The following ADAMTS17 variants were observed in gnomAD, a reference collection of about 807,000 sequenced individuals.
The protein encoded by ADAMTS17 is A disintegrin and metalloproteinase with thrombospondin motifs 17.
Under a neutral mutation model 141.5 loss-of-function variants are expected in ADAMTS17, and 113 were observed. The observed-to-expected ratio is 0.80, with a 90% CI of 0.69 to 0.93. The LOEUF is 0.93. Among genes scored for constraint, ADAMTS17 ranks in the 40% least tolerant of loss-of-function variants. The pLI is 0.00. For missense variants in ADAMTS17, 1,659 were observed against 1,517.9 expected (o/e 1.09, Z -1.54); for synonymous variants, 768 against 630.6 (o/e 1.22, Z -3.27).
intron 9 of ADAMTS17, 57 bp from the exon 10 acceptor site, chr15:100,152,819 TTC>T: frequency 6.5e-7 from 1 of 1,534,546 alleles, no homozygotes; most frequent in Non-Finnish European, 8.8e-7. Flanking sequence ...TTTTTTTGTT[TTC>T]TTTTTCTTTT....
chr15:100,133,096 C>T (rs548490553), intron 11 of ADAMTS17, 118 bp downstream of exon 11: 25 of 989,396 alleles, frequency 2.5e-5, no homozygotes, highest in East Asian at 7.9e-5. Flanking sequence ...ATTTCTGTGC[C>T]GCCTGGGGGA....
At chr15:100,208,620 C>A (rs1291727403) in intron 7 of ADAMTS17, among the ~76,000 whole-genome samples, 1 of 152,194 alleles carries the variant, frequency 6.6e-6, no homozygotes, top group East Asian at 1.9e-4. Flanking sequence ...TCCAGGTCAT[C>A]ATTCATCATT....
chr15:100,113,676 T>G (rs35956028), intron 13 of ADAMTS17, among the ~76,000 whole-genome samples: 46,879 of 152,118 alleles, frequency 0.31, 7,233 homozygotes, highest in East Asian at 0.39. Context: ...AATGCAAGCT[T>G]CGGAGACCAC....
At chr15:100,040,299 C>T (rs1303411229) in intron 18 of ADAMTS17, among the ~76,000 whole-genome samples, 2 of 152,246 alleles carry the variant, frequency 1.3e-5, no homozygotes, top group Admixed American at 6.5e-5. Context: ...ACAGCCATTT[C>T]TTCTGTGGGC....
chr15:100,159,720 T>C (rs1341234348), intron 8 of ADAMTS17, among the ~76,000 whole-genome samples: 1 of 152,224 alleles, frequency 6.6e-6, no homozygotes, highest in Admixed American at 6.5e-5. Flanking sequence ...GCATTAACAA[T>C]GTCTCTTCAT....
At chr15:100,026,046 A>C (rs1291330968) in intron 18 of ADAMTS17, among the ~76,000 whole-genome samples, 2 of 152,190 alleles carry the variant, frequency 1.3e-5, no homozygotes, top group Non-Finnish European at 2.9e-5. Context: ...CATTACCAGA[A>C]CCTCAGAAGG....
In ADAMTS17 at chr15:100,341,919, C is replaced by G. The variant is rs569251254; in HGVS notation, c.-20G>C. On this transcript the variant is annotated 5_prime_UTR_variant, in exon 1 of 22. Coordinates refer to ENST00000268070, the MANE Select transcript of ADAMTS17 (RefSeq NM_139057.4). ...ACACATGGTACCCGGGACCGGCAGC[C>G]CCCCCGGACCGTGGCGGCGAAGCAG... The G allele has an allele frequency of 1.6e-4, 236 of 1,510,710 alleles. 3 individuals are homozygous for G. The East Asian group carries it at 5.1e-3, about 32-fold the overall frequency. The allele number at this position is 1,510,710 out of a possible 1,614,324, so 93.6% of individuals were successfully genotyped here.
chr15:100,041,167 T>C (rs898107517), intron 18 of ADAMTS17, among the ~76,000 whole-genome samples: 7 of 152,310 alleles, frequency 4.6e-5, no homozygotes, highest in African/African-American at 1.4e-4. Flanking sequence ...ATTAAGATAA[T>C]TGAGGAAGGA....
intron 15 of ADAMTS17, among the ~76,000 whole-genome samples, chr15:100,066,333 T>C (rs2033523157): frequency 6.6e-6 from 1 of 152,214 alleles, no homozygotes; most frequent in South Asian, 2.1e-4. Context: ...AGAGTTGAAC[T>C]GTGATCACGC....
At chr15:99,990,035 G>A (rs1161627768) in intron 20 of ADAMTS17, among the ~76,000 whole-genome samples, 1 of 152,188 alleles carries the variant, frequency 6.6e-6, no homozygotes, top group Admixed American at 6.5e-5. Context: ...GTGAGTTCAA[G>A]TTCTCATGGT....
chr15:100,007,528 C>T (rs1004424356), intron 18 of ADAMTS17, among the ~76,000 whole-genome samples: 2 of 151,936 alleles, frequency 1.3e-5, no homozygotes, highest in Admixed American at 1.3e-4. Context: ...TCAACCGATT[C>T]TCCTGCCTCA....
intron 7 of ADAMTS17, among the ~76,000 whole-genome samples, chr15:100,239,181 C>T (rs1053723687): frequency 2.6e-5 from 4 of 152,244 alleles, no homozygotes; most frequent in African/African-American, 7.2e-5. Context: ...TGTGTGCCTT[C>T]GGGCAAGACA....
intron 7 of ADAMTS17, among the ~76,000 whole-genome samples, chr15:100,246,795 A>G (rs1567422848): frequency 6.6e-6 from 1 of 152,146 alleles, no homozygotes; most frequent in Non-Finnish European, 1.5e-5. Flanking sequence ...GGCTAGTGAT[A>G]TTATTTTTTC....
intron 15 of ADAMTS17, among the ~76,000 whole-genome samples, chr15:100,058,576 G>C (rs2032842736): frequency 6.6e-6 from 1 of 152,248 alleles, no homozygotes; most frequent in African/African-American, 2.4e-5. Flanking sequence ...CCTGGAGACG[G>C]TTATAAGACC....
chr15:100,254,834 G>A (rs367900925), intron 6 of ADAMTS17, among the ~76,000 whole-genome samples: 21 of 152,298 alleles, frequency 1.4e-4, no homozygotes, highest in African/African-American at 3.6e-4. Flanking sequence ...ACACACACCA[G>A]GGCCAGCCGG....
chr15:100,107,856 G>A (rs538536327), intron 14 of ADAMTS17, among the ~76,000 whole-genome samples: 14 of 152,228 alleles, frequency 9.2e-5, no homozygotes, highest in Admixed American at 3.3e-4. Context: ...ATGGTGTATC[G>A]TTACAGGTGC....
chr15:100,087,638 C>G (rs1045311761), intron 15 of ADAMTS17, among the ~76,000 whole-genome samples: 2 of 152,150 alleles, frequency 1.3e-5, no homozygotes, highest in African/African-American at 2.4e-5. Context: ...AGCTTATGCA[C>G]CATGATCAAG....
rs151305512 is a variant in ADAMTS17 at position 100,098,359 on chromosome 15, C to T, written c.2017-1883G>A. On this transcript the variant is annotated intron_variant, in intron 14 of 21. Coordinates refer to ENST00000268070, the MANE Select transcript of ADAMTS17 (RefSeq NM_139057.4). The stretch of plus-strand genomic sequence containing the variant: ...ATCAAGTTGCTCAGTATAAAGATTA[C>T]AGGGGCTGGCCCGGTGCGGTGGCTC... 3.3e-5 allele frequency among the ~76,000 whole-genome samples: 5 copies of T among 152,212 alleles called. 1 individual carries two copies. In the South Asian group the frequency reaches 6.2e-4, roughly 19 times the overall value.
chr15:100,262,782 T>TAAAAAAAAA (rs201067774), intron 4 of ADAMTS17, among the ~76,000 whole-genome samples: 2 of 111,250 alleles, frequency 1.8e-5, no homozygotes, highest in African/African-American at 3.6e-5. Context: ...CTTCCAGTAC[T>TAAAAAAAAA]AAAAAAAAAA....
Sources: gnomAD v4.1 joint callset for allele counts (sites outside exome capture counted in the v4.1 genomes callset) on GRCh38, gnomAD v4.1.1 for gene constraint, MANE v1.5 for transcripts, NCBI Gene and HGNC (gene_info 2026-07-23, HGNC 2026-07-21) for gene names.